The following PLD1 variants were observed in gnomAD, a reference collection of about 807,000 sequenced individuals.
The protein encoded by PLD1 is choline phosphatase 1.
In PLD1, 112 loss-of-function variants were observed where a neutral mutation model predicts 137.1. That is an observed-to-expected ratio of 0.82 (90% CI 0.70 to 0.96). The LOEUF (loss-of-function observed/expected upper bound fraction) is 0.96, where lower values mean the gene tolerates loss of function less well. PLD1 is among the 40% of genes least tolerant of loss of function. The pLI is 0.00. For synonymous variants in PLD1, 431 were observed against 454.7 expected (o/e 0.95, Z 0.66); for missense variants, 1,321 against 1,342.0 (o/e 0.98, Z 0.24).
At chr3:171,709,792 A>G (rs552951954) in intron 9 of PLD1, 83 bp from the exon 10 acceptor site, 3 of 1,221,618 alleles carry the variant, frequency 2.5e-6, no homozygotes, top group Non-Finnish European at 3.4e-6. Context: ...TATACCAAAC[A>G]CAAACTGAAA....
chr3:171,691,098 C>T (rs1379436811), intron 13 of PLD1, among the ~76,000 whole-genome samples: 3 of 152,082 alleles, frequency 2.0e-5, no homozygotes, highest in African/African-American at 7.2e-5. Context: ...GATTTAAAGT[C>T]TATTTTGTCT....
At chr3:171,611,489 A>G in intron 25 of PLD1, 2 of 450,940 alleles carry the variant, frequency 4.4e-6, no homozygotes, top group South Asian at 1.6e-5. Context: ...ATAACACTTT[A>G]TTGAATGGAC....
Position 171,734,990 on chromosome 3 carries a change from A to G in PLD1, c.435-20T>C. The stretch of plus-strand genomic sequence containing the variant: ...GTGTGTCTAAAACACAAACACACAG[A>G]ATGCAAACACCTACTAGATTATTCT... On this transcript the variant is annotated intron_variant, in intron 4 of 26. Coordinates refer to ENST00000351298, the MANE Select transcript of PLD1 (RefSeq NM_002662.5). 1 of 1,329,346 alleles carries G rather than the reference A, an allele frequency of 7.5e-7. No individual in the cohort carries two copies. The highest frequency in any genetic ancestry group is 1.1e-6 in the Non-Finnish European group (1 of 920,938). The allele number at this position is 1,329,346 out of a possible 1,614,324, so 82.3% of individuals were successfully genotyped here. A position where few individuals can be genotyped will look rare whatever the true frequency, so the allele number is the denominator to read the frequency against.
At chr3:171,691,610 T>C (rs766601261) in intron 13 of PLD1, among the ~76,000 whole-genome samples, 65 of 152,204 alleles carry the variant, frequency 4.3e-4, no homozygotes, top group Admixed American at 4.0e-3. Context: ...CTCACAGTTG[T>C]TGGTGTTGCA....
intron 19 of PLD1, among the ~76,000 whole-genome samples, chr3:171,664,878 A>G (rs1247118844): frequency 6.6e-6 from 1 of 152,168 alleles, no homozygotes; most frequent in Non-Finnish European, 1.5e-5. Context: ...CATCCCCTAA[A>G]GCTGCTGTGA....
chr3:171,689,178 C>T (rs1446297916), intron 13 of PLD1, among the ~76,000 whole-genome samples: 1 of 151,640 alleles, frequency 6.6e-6, no homozygotes, highest in Non-Finnish European at 1.5e-5. Context: ...AAGCTGGTTC[C>T]CTTCCCCCTG....
intron 25 of PLD1, among the ~76,000 whole-genome samples, chr3:171,606,688 T>A (rs565478767): frequency 2.2e-4 from 33 of 152,318 alleles, no homozygotes; most frequent in Middle Eastern, 3.4e-3. Flanking sequence ...TCCTTGTATT[T>A]AAATAAATGT....
In PLD1 at chr3:171,645,008, G is replaced by A; in HGVS notation, c.2445C>T (p.Tyr815=). The A allele has an allele frequency of 6.2e-7, 1 of 1,611,922 alleles. No individual in the cohort carries two copies. The highest frequency in any genetic ancestry group is 8.5e-7 in the Non-Finnish European group (1 of 1,178,020). ...GAAGTGGTATCACGACATATACCCG[G>A]TATTTCTGGTTTTCCCTGCAAAGGT... is the stretch of plus-strand genomic sequence containing the variant. ...ILKAHRENQK[Y]RVYVVIPLLP... is the part of the protein sequence containing the mutation. The change falls in exon 22 of 27, where the codon TAC becomes TAT. Residue 815 remains tyrosine, a synonymous_variant. Transcript: ENST00000351298.
rs1233277644 is a variant in PLD1 at position 171,734,964 on chromosome 3, C to A, written c.441G>T (p.Thr147=). The A allele has an allele frequency of 6.2e-7, 1 of 1,602,868 alleles. No homozygotes were observed. ...IRIPIPTRRH[T]FRRQNVREEP... is the part of the protein sequence containing the mutation. ...CCTCTCTGACGTTTTGCCTCCTAAA[C>A]GTGTGTCTAAAACACAAACACACAG... The change falls in exon 5 of 27, where the codon ACG becomes ACT. Residue 147 remains threonine (T), a synonymous_variant. Coordinates refer to ENST00000351298, the MANE Select transcript of PLD1 (RefSeq NM_002662.5).
At chr3:171,722,102 T>C (rs1254391021) in intron 8 of PLD1, among the ~76,000 whole-genome samples, 1 of 152,206 alleles carries the variant, frequency 6.6e-6, no homozygotes, top group Non-Finnish European at 1.5e-5. Context: ...TCTTCAGTGT[T>C]TTAATAGTTT....
chr3:171,782,409 C>G (rs1722830105), intron 1 of PLD1, among the ~76,000 whole-genome samples: 3 of 152,236 alleles, frequency 2.0e-5, no homozygotes, highest in African/African-American at 7.2e-5. Flanking sequence ...AATTTTACTT[C>G]AAAAGAGAAC....
Position 171,624,526 on chromosome 3 carries a change from T to C in PLD1, c.2594-4006A>G, listed in dbSNP as rs889931321. On this transcript the variant is annotated intron_variant, in intron 23 of 26. Coordinates refer to ENST00000351298, the MANE Select transcript of PLD1 (RefSeq NM_002662.5). ...TCAGCAATCCCACTCTAGAAATTTA[T>C]GCTAAATATATACCTTCAACAAATA... Among the ~76,000 whole-genome samples, 63 of 152,122 alleles carry C rather than the reference T, an allele frequency of 4.1e-4. 1 individual carries two copies. The highest frequency in any genetic ancestry group is 1.4e-3 in the African/African-American group (57 of 41,526).
intron 1 of PLD1, among the ~76,000 whole-genome samples, chr3:171,764,899 G>A (rs1253008285): frequency 0.1 from 2,474 of 24,736 alleles, 425 homozygotes; most frequent in Non-Finnish European, 0.12. Context: ...AAGAAAGGAA[G>A]GAAGGAAGGA....
At chr3:171,735,380 C>G in intron 4 of PLD1, 112 bp downstream of exon 4, 1 of 857,516 alleles carries the variant, frequency 1.2e-6, no homozygotes, top group Non-Finnish European at 1.9e-6. Flanking sequence ...AACTGATCCT[C>G]CTGCCTCAGC....
chr3:171,763,830 C>CTTTT (rs71178234), intron 1 of PLD1, among the ~76,000 whole-genome samples: 322 of 86,644 alleles, frequency 3.7e-3, no homozygotes, highest in East Asian at 0.012. Flanking sequence ...TTCTTTCTTT[C>CTTTT]TTTTTTTTTT....
chr3:171,755,368 C>T (rs867611282), intron 1 of PLD1, among the ~76,000 whole-genome samples: 3 of 152,080 alleles, frequency 2.0e-5, no homozygotes, highest in South Asian at 2.1e-4. Context: ...TTCCAGAATA[C>T]GAAGGACACT....
At position 171,710,872 on chromosome 3, in the gene PLD1, C is replaced by CTTTTTTTTTTTTTTTTTTTTTTTTTTT. The variant is rs774704143; in HGVS notation, c.912-1164_912-1163insAAAAAAAAAAAAAAAAAAAAAAAAAAA. Among the ~76,000 whole-genome samples, 95 of 98,554 alleles carry CTTTTTTTTTTTTTTTTTTTTTTTTTTT rather than the reference C, an allele frequency of 9.6e-4. 14 individuals are homozygous for CTTTTTTTTTTTTTTTTTTTTTTTTTTT. The highest frequency in any genetic ancestry group is 1.5e-3 in the African/African-American group (31 of 21,372). The allele number at this position is 98,554 out of a possible 152,430, so 64.7% of individuals were successfully genotyped here. A position where few individuals can be genotyped will look rare whatever the true frequency, so the allele number is the denominator to read the frequency against. ...TTTCACTAATCATAGGAAAACTGTT[C>CTTTTTTTTTTTTTTTTTTTTTTTTTTT]TTTTTTTTTTTTTTTTTTTGAGACG... On this transcript the variant is annotated intron_variant, in intron 9 of 26. Coordinates refer to ENST00000351298, the MANE Select transcript of PLD1 (RefSeq NM_002662.5).
At chr3:171,665,845 C>T (rs747792919) in intron 19 of PLD1, among the ~76,000 whole-genome samples, 1 of 152,148 alleles carries the variant, frequency 6.6e-6, no homozygotes, top group Non-Finnish European at 1.5e-5. Context: ...TCATCTATCC[C>T]ATTGCCTGAG....
chr3:171,637,137 T>C (rs1457669420), intron 23 of PLD1, among the ~76,000 whole-genome samples: 1 of 152,254 alleles, frequency 6.6e-6, no homozygotes, highest in Non-Finnish European at 1.5e-5. Flanking sequence ...TTGGTCATGA[T>C]GTATAATCCT....
Sources: gnomAD v4.1 joint callset for allele counts (sites outside exome capture counted in the v4.1 genomes callset) on GRCh38, gnomAD v4.1.1 for gene constraint, MANE v1.5 for transcripts, NCBI Gene and HGNC (gene_info 2026-07-23, HGNC 2026-07-21) for gene names.